Variants in TNFSF4 observed in about 807,000 individuals in gnomAD.
TNFSF4 encodes TNF superfamily member 4.
TNFSF4 carries 4 observed loss-of-function variants against 7.3 expected under a neutral mutation model. That is an observed-to-expected ratio of 0.55 (90% confidence interval 0.27 to 1.25). The LOEUF (loss-of-function observed/expected upper bound fraction) is 1.25. TNFSF4 is among the 50% of genes most tolerant of loss of function. TNFSF4 has a pLI of 0.12. For synonymous variants in TNFSF4, 76 were observed against 83.7 expected (o/e 0.91, Z 0.50); for missense variants, 181 against 208.8 (o/e 0.87, Z 0.82).
chr1:173,225,274 T>C, the TNFSF4 span, among the ~76,000 whole-genome samples: 1 of 152,216 alleles, frequency 6.6e-6, no homozygotes, highest in Non-Finnish European at 1.5e-5. Context: ...CTCATCCTTA[T>C]CTTCTCTAAG....
At chr1:173,241,398 G>A in the TNFSF4 span, among the ~76,000 whole-genome samples, 2 of 152,210 alleles carry the variant, frequency 1.3e-5, no homozygotes, top group Non-Finnish European at 2.9e-5. Context: ...AGAAGACGGT[G>A]CCTGCAGTTC....
chr1:173,236,265 A>G, the TNFSF4 span, among the ~76,000 whole-genome samples: 1 of 152,284 alleles, frequency 6.6e-6, no homozygotes, highest in South Asian at 2.1e-4. Flanking sequence ...AATCAATTCC[A>G]TCTATAGATT....
chr1:173,178,545 G>T, the TNFSF4 span, among the ~76,000 whole-genome samples: 1 of 152,120 alleles, frequency 6.6e-6, no homozygotes, highest in African/African-American at 2.4e-5. Flanking sequence ...CTGCACTCCA[G>T]CCTGGGCGAC....
the TNFSF4 span, among the ~76,000 whole-genome samples, chr1:173,383,333 G>A: frequency 6.6e-6 from 1 of 152,248 alleles, no homozygotes; most frequent in Non-Finnish European, 1.5e-5. Context: ...TGTTTATTGA[G>A]TAGAGGTAGT....
At chr1:173,203,045 T>G (rs7529929) in intron 1 of TNFSF4, among the ~76,000 whole-genome samples, 5,691 of 152,142 alleles carry the variant, frequency 0.037, 300 homozygotes, top group African/African-American at 0.12. Flanking sequence ...TGAGTGTAAA[T>G]AGTTCAAAAA....
At chr1:173,220,991 A>G in the TNFSF4 span, among the ~76,000 whole-genome samples, 1 of 152,230 alleles carries the variant, frequency 6.6e-6, no homozygotes, top group Non-Finnish European at 1.5e-5. Flanking sequence ...TGGGCCATCA[A>G]AGGCCTCTCT....
chr1:173,222,394 A>G, the TNFSF4 span, among the ~76,000 whole-genome samples: 3 of 152,356 alleles, frequency 2.0e-5, no homozygotes, highest in Middle Eastern at 6.8e-3. Context: ...TAGTTGCATC[A>G]ATAAAGAAAA....
chr1:173,364,443 G>T, the TNFSF4 span, among the ~76,000 whole-genome samples: 1 of 148,736 alleles, frequency 6.7e-6, no homozygotes. Context: ...ATGTAAATTT[G>T]TATATGCATA....
At chr1:173,338,912 G>A in the TNFSF4 span, among the ~76,000 whole-genome samples, 1 of 152,116 alleles carries the variant, frequency 6.6e-6, no homozygotes, top group African/African-American at 2.4e-5. Flanking sequence ...GCTACCAAAA[G>A]GAAATCGGAC....
chr1:173,333,402 G>A, the TNFSF4 span, among the ~76,000 whole-genome samples: 11 of 152,140 alleles, frequency 7.2e-5, no homozygotes, highest in Non-Finnish European at 8.8e-5. Context: ...TTGAGACATC[G>A]GTTTTTCCTG....
chr1:173,408,855 G>A, the TNFSF4 span, among the ~76,000 whole-genome samples: 1 of 152,216 alleles, frequency 6.6e-6, no homozygotes, highest in African/African-American at 2.4e-5. Context: ...CTCACAAAGA[G>A]TTGGGATTAC....
chr1:173,352,856 G>C, the TNFSF4 span, among the ~76,000 whole-genome samples: 3 of 152,160 alleles, frequency 2.0e-5, no homozygotes, highest in African/African-American at 7.2e-5. Flanking sequence ...GACACCCCTA[G>C]AGCAGCCGTT....
chr1:173,249,084 A>G, the TNFSF4 span, among the ~76,000 whole-genome samples: 3 of 152,182 alleles, frequency 2.0e-5, no homozygotes, highest in Non-Finnish European at 4.4e-5. Context: ...TTTAGGAAGT[A>G]GAGTCGACAA....
chr1:173,218,785 C>G, the TNFSF4 span, among the ~76,000 whole-genome samples: 6 of 152,024 alleles, frequency 3.9e-5, no homozygotes, highest in African/African-American at 1.4e-4. Context: ...TCTTTTATTA[C>G]TTGTATAGGA....
chr1:173,341,078 G>A, the TNFSF4 span, among the ~76,000 whole-genome samples: 4 of 152,034 alleles, frequency 2.6e-5, no homozygotes, highest in African/African-American at 9.6e-5. Context: ...GCAGCCATGT[G>A]AAGAAGGATG....
At chr1:173,303,632 CG>C in the TNFSF4 span, among the ~76,000 whole-genome samples, 3,873 of 151,940 alleles carry the variant, frequency 0.025, 74 homozygotes, top group Middle Eastern at 0.054. Flanking sequence ...TGTTTTTATA[CG>C]TTTTTTAATT....
chr1:173,305,580 C>T, the TNFSF4 span, among the ~76,000 whole-genome samples: 3 of 151,758 alleles, frequency 2.0e-5, no homozygotes, highest in Non-Finnish European at 4.4e-5. Context: ...ATCACTCTTA[C>T]TTTTTATCCC....
At chr1:173,322,872 T>A in the TNFSF4 span, among the ~76,000 whole-genome samples, 2 of 152,026 alleles carry the variant, frequency 1.3e-5, no homozygotes, top group South Asian at 4.2e-4. Context: ...CTTGAGTAGG[T>A]AAACAAAGCG....
the TNFSF4 span, among the ~76,000 whole-genome samples, chr1:173,244,665 AAC>A: frequency 4.0e-5 from 6 of 151,168 alleles, no homozygotes; most frequent in African/African-American, 1.5e-4. Context: ...AAACAAAAAA[AAC>A]AAAAAAAAAA....
Sources: allele counts gnomAD v4.1 joint callset (sites outside exome capture counted in the v4.1 genomes callset), GRCh38; gene constraint gnomAD v4.1.1; transcripts MANE v1.5; gene names NCBI Gene and HGNC (gene_info 2026-07-23, HGNC 2026-07-21).